LIPJ: variants seen among roughly 807,000 people sequenced by gnomAD.
The protein encoded by LIPJ is lipase family member J, also known as lipase member J.
LIPJ carries 33 observed loss-of-function variants against 39.8 expected under a neutral mutation model. That is an observed-to-expected ratio of 0.83 (90% CI 0.63 to 1.11). LIPJ has a LOEUF of 1.11. LIPJ is among the 50% of genes least tolerant of loss of function. The pLI, the probability that LIPJ is intolerant of heterozygous loss-of-function variation, is 0.00. For synonymous variants in LIPJ, 128 were observed against 139.2 expected (o/e 0.92, Z 0.57); for missense variants, 422 against 427.9 (o/e 0.99, Z 0.12).
At chr10:88,582,984 C>T (rs1850731145), upstream of LIPJ, 2 of 1,456,932 alleles carry the variant, frequency 1.4e-6, no homozygotes, top group Admixed American at 2.2e-5. Context: ...GCGTTTTCGC[C>T]TTAGACTTTC....
chr10:88,597,006 G>C (rs148631720), intron 8 of LIPJ, 70 bp downstream of exon 8: 2 of 867,142 alleles, frequency 2.3e-6, no homozygotes, highest in Non-Finnish European at 3.5e-6. Context: ...AATAGTGCTT[G>C]TGTTATACCT....
At chr10:88,613,197 C>T in the LIPJ span, among the ~76,000 whole-genome samples, 37 of 152,136 alleles carry the variant, frequency 2.4e-4, no homozygotes, top group East Asian at 6.6e-3. Context: ...GGCATCATTC[C>T]ACAAAAAAAC....
chr10:88,587,646 A>G (rs1850952709), intron 2 of LIPJ, among the ~76,000 whole-genome samples: 1 of 152,100 alleles, frequency 6.6e-6, no homozygotes, highest in Admixed American at 6.6e-5. Flanking sequence ...GCTGTGGTAC[A>G]AAACTACACT....
chr10:88,608,510 A>C (rs113503083), downstream of LIPJ, among the ~76,000 whole-genome samples: 327 of 152,346 alleles, frequency 2.1e-3, 1 homozygote, highest in African/African-American at 7.4e-3. Flanking sequence ...AATACTGCAT[A>C]ACTTCCGGGG....
chr10:88,600,566 T>C (rs115747584), intron 8 of LIPJ, among the ~76,000 whole-genome samples: 2,742 of 152,350 alleles, frequency 0.018, 63 homozygotes, highest in South Asian at 0.085. Context: ...TTTAAAGCTT[T>C]TGCTAACTCT....
downstream of LIPJ, among the ~76,000 whole-genome samples, chr10:88,611,078 C>T (rs1486058387): frequency 2.6e-5 from 4 of 152,156 alleles, no homozygotes; most frequent in Non-Finnish European, 5.9e-5. Flanking sequence ...GAAGATGGAT[C>T]ACATCACAGT....
chr10:88,608,424 A>C (rs546643308), downstream of LIPJ, among the ~76,000 whole-genome samples: 17 of 152,318 alleles, frequency 1.1e-4, no homozygotes, highest in East Asian at 2.7e-3. Context: ...TAGTCTAAAA[A>C]ATAATTCCTT....
rs200931771 is a variant in LIPJ at position 88,596,967 on chromosome 10, A to T, written c.723+31A>T. The T allele has an allele frequency of 2.3e-3, 2,758 of 1,223,480 alleles. 7 individuals are homozygous for T. The highest frequency in any genetic ancestry group is 3.6e-3 in the Middle Eastern group (13 of 3,562). 75.8% of individuals were successfully genotyped at this position (1,223,480 alleles called of 1,614,324 possible). A position where few individuals can be genotyped will look rare whatever the true frequency, so the allele number is the denominator to read the frequency against. ...AACAAGTTGTATTTGAAATATATAT[A>T]TTTTCCAATATTTGGAAAGTATAAT... On this transcript the variant is annotated intron_variant, in intron 8 of 10. Coordinates refer to ENST00000371939, the Ensembl canonical transcript of LIPJ.
chr10:88,583,100 C>T, upstream of LIPJ: 1 of 1,614,056 alleles, frequency 6.2e-7, no homozygotes, highest in Non-Finnish European at 8.5e-7. Context: ...TCCCACACAG[C>T]AAGGTACAAG....
intron 6 of LIPJ, among the ~76,000 whole-genome samples, chr10:88,595,571 A>C (rs1851225936): frequency 1.3e-5 from 2 of 151,642 alleles, no homozygotes; most frequent in South Asian, 4.1e-4. Flanking sequence ...TCAACTATTC[A>C]ATTATTTAAA....
downstream of LIPJ, among the ~76,000 whole-genome samples, chr10:88,610,744 T>C (rs1445586683): frequency 2.6e-5 from 4 of 152,326 alleles, no homozygotes; most frequent in South Asian, 2.1e-4. Context: ...ATGTAGTCAG[T>C]TGATCTTTAA....
At chr10:88,597,839 G>T (rs1484815008) in intron 8 of LIPJ, among the ~76,000 whole-genome samples, 1 of 151,554 alleles carries the variant, frequency 6.6e-6, no homozygotes, top group African/African-American at 2.4e-5. Flanking sequence ...TACTATGAGG[G>T]GCCTGGAAGA....
downstream of LIPJ, among the ~76,000 whole-genome samples, chr10:88,607,733 C>T (rs1851701519): frequency 2.0e-5 from 3 of 152,240 alleles, no homozygotes; most frequent in Middle Eastern, 3.4e-3. Context: ...ATAGGAAGCA[C>T]GGAATGTGGC....
chr10:88,602,438 T>C, intron 8 of LIPJ, 138 bp from the exon 9 acceptor site: 1 of 535,508 alleles, frequency 1.9e-6, no homozygotes, highest in South Asian at 2.7e-5. Context: ...TTAAAATAAT[T>C]TGATGATTTG....
chr10:88,612,297 C>A, the LIPJ span, among the ~76,000 whole-genome samples: 1 of 152,024 alleles, frequency 6.6e-6, no homozygotes, highest in Non-Finnish European at 1.5e-5. Flanking sequence ...TTGAATACAC[C>A]AAAATAGAAC....
chr10:88,616,491 C>A, the LIPJ span, among the ~76,000 whole-genome samples: 1 of 152,252 alleles, frequency 6.6e-6, no homozygotes, highest in African/African-American at 2.4e-5. Context: ...TCAGTTGGCG[C>A]CGAGCGCCCT....
downstream of LIPJ, among the ~76,000 whole-genome samples, chr10:88,610,371 ATAT>A (rs1405785338): frequency 2.6e-5 from 4 of 152,164 alleles, no homozygotes; most frequent in Non-Finnish European, 5.9e-5. Context: ...GAAATTGAAA[ATAT>A]TATGCCATTT....
chr10:88,613,800 A>ATATATATATATATATGTG, the LIPJ span, among the ~76,000 whole-genome samples: 233 of 74,054 alleles, frequency 3.1e-3, 2 homozygotes, highest in Middle Eastern at 7.2e-3. Flanking sequence ...ATATATATAT[A>ATATATATATATATATGTG]TGTGTGTGTG....
At chr10:88,599,823 A>G (rs1851409911) in intron 8 of LIPJ, among the ~76,000 whole-genome samples, 2 of 151,626 alleles carry the variant, frequency 1.3e-5, no homozygotes, top group Non-Finnish European at 1.5e-5. Context: ...CAGTTATAGT[A>G]TTAACAATAT....
Sources: allele counts gnomAD v4.1 joint callset (sites outside exome capture counted in the v4.1 genomes callset), GRCh38; gene constraint gnomAD v4.1.1; transcripts MANE v1.5; gene names NCBI Gene and HGNC (gene_info 2026-07-23, HGNC 2026-07-21).